Variants in RBMS1 observed in about 807,000 individuals in gnomAD.
The protein encoded by RBMS1 is RNA binding motif single stranded interacting protein 1.
RBMS1 carries 17 observed loss-of-function variants against 62.3 expected under a neutral mutation model. The ratio of observed to expected loss-of-function variants is 0.27; its 90% CI spans 0.19 to 0.41. The LOEUF (loss-of-function observed/expected upper bound fraction) is 0.41. Among genes scored for constraint, RBMS1 ranks in the 10% least tolerant of loss-of-function variants. The pLI, the probability that RBMS1 is intolerant of heterozygous loss-of-function variation, is 1.00. For synonymous variants in RBMS1, 172 were observed against 170.0 expected, an observed-to-expected ratio of 1.01 and a Z score of -0.09; for missense variants, 334 against 504.5, an observed-to-expected ratio of 0.66 and a Z score of 3.24.
intron 2 of RBMS1, among the ~76,000 whole-genome samples, chr2:160,357,059 TAA>T (rs1692840686): frequency 6.6e-6 from 1 of 152,090 alleles, no homozygotes; most frequent in Non-Finnish European, 1.5e-5. Context: ...AACTGCCAAA[TAA>T]AGATTTTAGA....
At chr2:160,453,212 A>G (rs1684066426) in intron 1 of RBMS1, among the ~76,000 whole-genome samples, 1 of 146,734 alleles carries the variant, frequency 6.8e-6, no homozygotes, top group Non-Finnish European at 1.5e-5. Context: ...GTCCAGAGAG[A>G]AAAAAAAAAA....
chr2:160,337,156 C>A (rs1307188575), intron 2 of RBMS1, among the ~76,000 whole-genome samples: 1 of 146,562 alleles, frequency 6.8e-6, no homozygotes, highest in Non-Finnish European at 1.5e-5. Context: ...TTTTTTGAGC[C>A]AGAGTCTCGC....
At chr2:160,485,980 T>C (rs1685585323) in intron 1 of RBMS1, among the ~76,000 whole-genome samples, 1 of 152,148 alleles carries the variant, frequency 6.6e-6, no homozygotes, top group Admixed American at 6.5e-5. Context: ...AACGAAATTG[T>C]TGTTGAGAAG....
intron 1 of RBMS1, among the ~76,000 whole-genome samples, chr2:160,391,679 A>C (rs1456563389): frequency 6.6e-6 from 1 of 152,228 alleles, no homozygotes; most frequent in African/African-American, 2.4e-5. Context: ...GATTCAAAAC[A>C]AAAATAACCA....
rs1688432731 is a variant in RBMS1 at position 160,286,966 on chromosome 2, T to G, written c.756+3A>C. The G allele has an allele frequency of 1.2e-6, 2 of 1,611,090 alleles. No homozygotes were observed. The highest frequency in any genetic ancestry group is 1.3e-5 in the African/African-American group (1 of 74,586). ...CCCCGCAAAGTTTCAAGAAAGGACT[T>G]ACAAGTCTCACCTCTCCTTCTCTAT... On this transcript the variant is annotated splice_donor_region_variant and intron_variant, in intron 7 of 13. Transcript: ENST00000348849.
At chr2:160,358,842 C>T (rs1013671621) in intron 2 of RBMS1, among the ~76,000 whole-genome samples, 1 of 151,890 alleles carries the variant, frequency 6.6e-6, no homozygotes, top group Admixed American at 6.6e-5. Flanking sequence ...GCCCACAACC[C>T]TATGTTTTTG....
At chr2:160,453,831 C>T (rs982252884) in intron 1 of RBMS1, among the ~76,000 whole-genome samples, 3 of 152,196 alleles carry the variant, frequency 2.0e-5, no homozygotes, top group African/African-American at 7.2e-5. Flanking sequence ...CCACACAGAA[C>T]TTCTCACCAA....
intron 1 of RBMS1, among the ~76,000 whole-genome samples, chr2:160,443,249 G>T (rs964818731): frequency 5.3e-5 from 8 of 150,070 alleles, no homozygotes; most frequent in Admixed American, 4.6e-4. Context: ...GACTTACACA[G>T]AAAGAGAGCA....
intron 6 of RBMS1, among the ~76,000 whole-genome samples, chr2:160,300,131 G>A (rs1282811167): frequency 6.6e-6 from 1 of 152,168 alleles, no homozygotes; most frequent in African/African-American, 2.4e-5. Flanking sequence ...GAAAAGAGAA[G>A]GATCCCTTTG....
Position 160,415,616 on chromosome 2 carries a change from G to A in RBMS1, c.76-48225C>T, listed in dbSNP as rs755854825. On this transcript the variant is annotated intron_variant, in intron 1 of 13. Transcript: ENST00000348849. ...CTAACTTTAACAGCAAACTGTACCCGGGAAAAACAAAACCCTCATGTAAGC... is the reference window on the plus strand; with the variant it reads ...CTAACTTTAACAGCAAACTGTACCCAGGAAAAACAAAACCCTCATGTAAGC... Among the ~76,000 whole-genome samples, 6 of 152,076 alleles carry A rather than the reference G, an allele frequency of 3.9e-5. 1 individual carries two copies. Among genetic ancestry groups the A allele is most frequent in the African/African-American group, 9.7e-5 (4 of 41,414 alleles).
chr2:160,324,884 A>ATATATATG (rs1690812668), intron 2 of RBMS1, among the ~76,000 whole-genome samples: 1 of 49,398 alleles, frequency 2.0e-5, no homozygotes, highest in Non-Finnish European at 5.0e-5. Context: ...GTGTGTGTGT[A>ATATATATG]TATATATATA....
intron 4 of RBMS1, among the ~76,000 whole-genome samples, chr2:160,309,878 C>T (rs1689752402): frequency 2.0e-5 from 3 of 152,168 alleles, no homozygotes; most frequent in Admixed American, 6.5e-5. Flanking sequence ...GCTCATCTCA[C>T]TATAAGCTTG....
chr2:160,412,484 G>C (rs181525240), intron 1 of RBMS1, among the ~76,000 whole-genome samples: 1 of 152,168 alleles, frequency 6.6e-6, no homozygotes, highest in Admixed American at 6.5e-5. Context: ...AGGGTTAAAA[G>C]ATTTACTAAG....
intron 6 of RBMS1, among the ~76,000 whole-genome samples, chr2:160,287,942 T>C: frequency 6.7e-6 from 1 of 150,354 alleles, no homozygotes; most frequent in Admixed American, 6.6e-5. Flanking sequence ...TATTACTATA[T>C]ACCTATACAT....
intron 4 of RBMS1, among the ~76,000 whole-genome samples, chr2:160,311,218 A>C (rs549378262): frequency 0.16 from 9,400 of 58,384 alleles, 600 homozygotes; most frequent in East Asian, 0.23. Context: ...AAATCTATCT[A>C]TCTATCTATC....
Position 160,300,656 on chromosome 2 carries a change from A to G in RBMS1, c.635T>C (p.Val212Ala). 6.3e-7 allele frequency: 1 copy of G among 1,595,318 alleles called. No individual in the cohort carries two copies. Among genetic ancestry groups the G allele is most frequent in the Non-Finnish European group, 8.5e-7 (1 of 1,172,970 alleles). ...NGKFIKTPPG[V>A]SAPTEPLLCK... ...GTTTCAGACAAACAACATACCAGAA[A>G]CTCCTGGTGGTGTCTTAATAAATTT... The change falls in exon 6 of 14, where the codon GTT (valine) becomes GCT (alanine). Residue 212 changes from valine to alanine, a missense_variant. By Grantham distance (64) the Val-to-Ala change is moderately conservative. Around this residue, in one of 3 missense-constraint regions of RBMS1, gnomAD observed 182 missense variants for 257.7 expected, o/e 0.71. Coordinates refer to ENST00000348849, the MANE Select transcript of RBMS1 (RefSeq NM_016836.4).
At chr2:160,302,908 G>A (rs1286489281) in intron 5 of RBMS1, 1 of 154,590 alleles carries the variant, frequency 6.5e-6, no homozygotes, top group Non-Finnish European at 1.4e-5. Context: ...TTACTTTTCT[G>A]AATGTTTTAC....
intron 2 of RBMS1, among the ~76,000 whole-genome samples, chr2:160,362,227 C>T (rs981444167): frequency 2.6e-5 from 4 of 152,202 alleles, no homozygotes; most frequent in Admixed American, 6.5e-5. Context: ...GCAATAAGGA[C>T]GTTTTGCTTT....
intron 1 of RBMS1, among the ~76,000 whole-genome samples, chr2:160,481,915 A>G (rs1280799450): frequency 2.0e-5 from 3 of 152,210 alleles, no homozygotes; most frequent in Non-Finnish European, 4.4e-5. Flanking sequence ...GAAAACTGGT[A>G]GTGTCTACCC....
Sources: allele counts gnomAD v4.1 joint callset (sites outside exome capture counted in the v4.1 genomes callset), GRCh38; gene constraint gnomAD v4.1.1; regional missense constraint gnomAD v4.1.1; transcripts MANE v1.5; gene names NCBI Gene and HGNC (gene_info 2026-07-23, HGNC 2026-07-21).